PTPRD: variants seen among roughly 807,000 people sequenced by gnomAD.
PTPRD encodes the protein receptor-type tyrosine-protein phosphatase delta.
In PTPRD, 34 loss-of-function variants were observed where a neutral mutation model predicts 214.5. The ratio of observed to expected loss-of-function variants is 0.16; its 90% confidence interval spans 0.12 to 0.21. The LOEUF (loss-of-function observed/expected upper bound fraction) is 0.21, where lower values mean the gene tolerates loss of function less well. PTPRD is among the 10% of genes least tolerant of loss of function. The probability of loss-of-function intolerance (pLI) is 1.00; values close to 1 mark genes in which losing one functional copy is unlikely to be tolerated. For synonymous variants in PTPRD, 1,128 were observed against 845.7 expected (o/e 1.33, Z -5.79); for missense variants, 2,545 against 2,398.7 (o/e 1.06, Z -1.27).
intron 11 of PTPRD, among the ~76,000 whole-genome samples, chr9:8,791,154 G>A (rs1034739833): frequency 6.6e-6 from 1 of 152,118 alleles, no homozygotes; most frequent in Non-Finnish European, 1.5e-5. Context: ...AAATTAAAAT[G>A]GTAAACATGA....
chr9:10,567,913 T>C (rs1478458539), intron 2 of PTPRD, among the ~76,000 whole-genome samples: 2 of 151,348 alleles, frequency 1.3e-5, no homozygotes, highest in Admixed American at 6.6e-5. Context: ...TAATATATCA[T>C]TGTTTTATTT....
intron 12 of PTPRD, among the ~76,000 whole-genome samples, chr9:8,640,617 C>G (rs1240103621): frequency 2.7e-5 from 3 of 112,822 alleles, no homozygotes; most frequent in African/African-American, 9.7e-5. Flanking sequence ...TCTTTGAAAA[C>G]AAGAAAATAA....
intron 3 of PTPRD, among the ~76,000 whole-genome samples, chr9:10,217,868 C>T (rs72696978): frequency 0.11 from 16,050 of 151,858 alleles, 996 homozygotes; most frequent in Non-Finnish European, 0.13. Context: ...AAGGAGCTTT[C>T]AAGATGCTCC....
At chr9:8,328,202 A>G (rs1448380539) in intron 44 of PTPRD, among the ~76,000 whole-genome samples, 1 of 152,126 alleles carries the variant, frequency 6.6e-6, no homozygotes, top group Non-Finnish European at 1.5e-5. Flanking sequence ...AGCTCTTGTA[A>G]GGCAGGCCTG....
intron 9 of PTPRD, among the ~76,000 whole-genome samples, chr9:9,362,764 A>G (rs1427492060): frequency 1.3e-5 from 2 of 151,320 alleles, no homozygotes; most frequent in African/African-American, 4.8e-5. Flanking sequence ...TCCTTGATAG[A>G]ATAGCAAATG....
At chr9:8,579,843 T>A (rs574179858) in intron 14 of PTPRD, among the ~76,000 whole-genome samples, 1 of 152,128 alleles carries the variant, frequency 6.6e-6, no homozygotes, top group Non-Finnish European at 1.5e-5. Context: ...GAACCAAAAG[T>A]GTTCATGATG....
intron 14 of PTPRD, among the ~76,000 whole-genome samples, chr9:8,617,103 T>TA (rs1254033000): frequency 2.0e-5 from 3 of 152,148 alleles, no homozygotes; most frequent in African/African-American, 7.2e-5. Flanking sequence ...CTATAAGAGA[T>TA]AAAAATATAT....
chr9:10,296,761 A>C, intron 3 of PTPRD, among the ~76,000 whole-genome samples: 1 of 152,052 alleles, frequency 6.6e-6, no homozygotes, highest in Non-Finnish European at 1.5e-5. Context: ...TCCTCAGTTT[A>C]CTGTAGTGAA....
intron 12 of PTPRD, among the ~76,000 whole-genome samples, chr9:8,702,396 G>A (rs983134238): frequency 3.3e-5 from 5 of 152,000 alleles, no homozygotes; most frequent in Non-Finnish European, 7.4e-5. Flanking sequence ...CATAGTTGAG[G>A]TTCATGGATT....
At position 10,487,319 on chromosome 9, in the gene PTPRD, T is replaced by TACTC. The variant is rs547215470; in HGVS notation, c.-600+125075_-600+125078dup. 5.0e-3 allele frequency among the ~76,000 whole-genome samples: 769 copies of TACTC among 152,308 alleles called. 12 individuals carry two copies. The highest frequency in any genetic ancestry group is 0.018 in the African/African-American group (742 of 41,572). On this transcript the variant is annotated intron_variant, in intron 2 of 45. Coordinates refer to ENST00000381196, the MANE Select transcript of PTPRD (RefSeq NM_002839.4). ...ATGTTACTATTGATAAGGAAGGACT[T>TACTC]ACTCCTGCCATTTTGTTTGTTGTTT...
At chr9:10,066,556 G>C (rs1781624306) in intron 3 of PTPRD, among the ~76,000 whole-genome samples, 1 of 151,802 alleles carries the variant, frequency 6.6e-6, no homozygotes, top group African/African-American at 2.4e-5. Flanking sequence ...CTCAAAAGCT[G>C]TTATTTTTAG....
intron 9 of PTPRD, among the ~76,000 whole-genome samples, chr9:9,250,708 A>G (rs911839472): frequency 6.6e-6 from 1 of 152,000 alleles, no homozygotes; most frequent in Non-Finnish European, 1.5e-5. Context: ...GGACTCTGCA[A>G]TTGGGGAAAT....
chr9:10,290,604 C>A (rs2095499934), intron 3 of PTPRD, among the ~76,000 whole-genome samples: 1 of 152,038 alleles, frequency 6.6e-6, no homozygotes. Context: ...ATATTATTGA[C>A]TCCTGCAATA....
chr9:9,944,513 A>T (rs1374602596), intron 4 of PTPRD, among the ~76,000 whole-genome samples: 1 of 152,100 alleles, frequency 6.6e-6, no homozygotes, highest in Non-Finnish European at 1.5e-5. Flanking sequence ...ATTAATAAAA[A>T]GATTTTTTTA....
At chr9:8,610,025 C>G (rs2095386861) in intron 14 of PTPRD, among the ~76,000 whole-genome samples, 1 of 152,160 alleles carries the variant, frequency 6.6e-6, no homozygotes, top group South Asian at 2.1e-4. Context: ...AACTAATTTT[C>G]TACCTATCCC....
Position 9,451,559 on chromosome 9 carries a change from C to T in PTPRD, c.-236-54077G>A, listed in dbSNP as rs561240092. Among the ~76,000 whole-genome samples, 17 of 151,590 alleles carry T rather than the reference C, an allele frequency of 1.1e-4. No homozygotes were observed. The South Asian group carries it at 1.5e-3, about 13-fold the overall frequency. Reference sequence around the variant, plus strand: ...AGTAAAATGTTTCCTAGAAACATGTCCCTGCAGTGAAAAATTACAAAATAA... The same window carrying T: ...AGTAAAATGTTTCCTAGAAACATGTTCCTGCAGTGAAAAATTACAAAATAA... On this transcript the variant is annotated intron_variant, in intron 8 of 45. Transcript: ENST00000381196.
chr9:9,146,807 A>G (rs984679259), intron 10 of PTPRD, among the ~76,000 whole-genome samples: 1 of 152,174 alleles, frequency 6.6e-6, no homozygotes, highest in Non-Finnish European at 1.5e-5. Flanking sequence ...ACCCTCAGAC[A>G]TAGAAAGGTA....
chr9:10,278,849 A>G (rs983113169), intron 3 of PTPRD, among the ~76,000 whole-genome samples: 8 of 151,714 alleles, frequency 5.3e-5, no homozygotes, highest in Admixed American at 2.6e-4. Context: ...ATCTCGGCTC[A>G]CTGCAAGCTC....
At chr9:10,086,453 C>T (rs934038317) in intron 3 of PTPRD, among the ~76,000 whole-genome samples, 2 of 151,752 alleles carry the variant, frequency 1.3e-5, no homozygotes, top group Non-Finnish European at 1.5e-5. Context: ...AAACTATTGC[C>T]TGTCTCAGTG....
Sources: allele counts gnomAD v4.1 joint callset (sites outside exome capture counted in the v4.1 genomes callset), GRCh38; gene constraint gnomAD v4.1.1; transcripts MANE v1.5; gene names NCBI Gene and HGNC (gene_info 2026-07-23, HGNC 2026-07-21).